Variants in WWOX observed in about 807,000 individuals in gnomAD.
The protein encoded by WWOX is WW domain-containing oxidoreductase.
In WWOX, 69 loss-of-function variants were observed where a neutral mutation model predicts 46.2. The observed-to-expected ratio is 1.49, with a 90% CI of 1.23 to 1.82. WWOX has a LOEUF of 1.82. WWOX is among the 40% of genes most tolerant of loss of function. The pLI is 0.00. For missense variants in WWOX, 919 were observed against 542.6 expected, an observed-to-expected ratio of 1.69 and a Z score of -6.89; for synonymous variants, 359 against 202.6, an observed-to-expected ratio of 1.77 and a Z score of -6.56.
intron 8 of WWOX, among the ~76,000 whole-genome samples, chr16:78,754,478 G>A (rs1429657031): frequency 1.3e-5 from 2 of 152,052 alleles, no homozygotes; most frequent in Admixed American, 6.6e-5. Context: ...AGTACCTACC[G>A]CTTTCTTTTC....
chr16:78,444,223 C>G (rs930209590), intron 8 of WWOX, among the ~76,000 whole-genome samples: 5 of 152,258 alleles, frequency 3.3e-5, no homozygotes, highest in African/African-American at 9.6e-5. Flanking sequence ...TTATGTCTTA[C>G]TCATCTAATG....
chr16:78,950,942 G>A (rs1361803982), intron 8 of WWOX, among the ~76,000 whole-genome samples: 2 of 152,118 alleles, frequency 1.3e-5, no homozygotes, highest in African/African-American at 2.4e-5. Flanking sequence ...AGTCTTTGGA[G>A]CCATAAACAT....
chr16:78,692,124 T>G (rs2142268458), intron 8 of WWOX, among the ~76,000 whole-genome samples: 2 of 152,296 alleles, frequency 1.3e-5, no homozygotes, highest in Middle Eastern at 3.4e-3. Context: ...CAGGTATGTC[T>G]TTATCAGCAG....
At position 78,592,871 on chromosome 16, in the gene WWOX, C is replaced by T. The variant is rs544444742; in HGVS notation, c.1056+160119C>T. On this transcript the variant is annotated intron_variant, in intron 8 of 8. Coordinates refer to ENST00000566780, the MANE Select transcript of WWOX (RefSeq NM_016373.4). ...ATGATAACTCGCTGCCCAGAATGACCAGGCAGCATGAAAACGAAAAGGTGG... is the reference window on the plus strand; with the variant it reads ...ATGATAACTCGCTGCCCAGAATGACTAGGCAGCATGAAAACGAAAAGGTGG... Among the ~76,000 whole-genome samples the T allele has an allele frequency of 1.3e-5, 2 of 152,272 alleles. 1 individual carries two copies. Among genetic ancestry groups the T allele is most frequent in the East Asian group, 3.9e-4 (2 of 5,170 alleles).
At chr16:78,966,586 A>G (rs2046366742) in intron 8 of WWOX, among the ~76,000 whole-genome samples, 1 of 152,190 alleles carries the variant, frequency 6.6e-6, no homozygotes, top group Non-Finnish European at 1.5e-5. Context: ...AAGTAAGGCT[A>G]AAAAGTAACA....
chr16:78,835,868 T>A (rs888546482), intron 8 of WWOX, among the ~76,000 whole-genome samples: 1 of 152,240 alleles, frequency 6.6e-6, no homozygotes, highest in East Asian at 1.9e-4. Flanking sequence ...ACATATTTAT[T>A]TTTTTGTTTC....
In WWOX at chr16:78,133,608, C is replaced by T. The variant is rs1399762222; in HGVS notation, c.409+18454C>T. ...ATGGGGTTTCACCATGTTGGCCAGG[C>T]TGGTCTGGAACTCCTGACCTCAGGT... On this transcript the variant is annotated intron_variant, in intron 4 of 8. Coordinates refer to ENST00000566780, the MANE Select transcript of WWOX (RefSeq NM_016373.4). 5.9e-5 allele frequency among the ~76,000 whole-genome samples: 9 copies of T among 152,186 alleles called. No individual in the cohort carries two copies. In the East Asian group the frequency reaches 1.7e-3, roughly 29 times the overall value.
chr16:78,515,598 T>C (rs544375599), intron 8 of WWOX, among the ~76,000 whole-genome samples: 7 of 152,208 alleles, frequency 4.6e-5, no homozygotes, highest in Non-Finnish European at 1.0e-4. Flanking sequence ...TAGCTATCTC[T>C]GTGCAGAGCC....
chr16:79,109,314 C>T (rs1337734526), intron 8 of WWOX, among the ~76,000 whole-genome samples: 3 of 152,142 alleles, frequency 2.0e-5, no homozygotes, highest in Admixed American at 6.5e-5. Context: ...CAGTTTCTAT[C>T]GAGCTACTGT....
At chr16:78,740,102 G>C (rs1428358984) in intron 8 of WWOX, among the ~76,000 whole-genome samples, 2 of 152,024 alleles carry the variant, frequency 1.3e-5, no homozygotes, top group African/African-American at 4.8e-5. Context: ...TCCCTTCTCT[G>C]CATTCGCCCC....
Position 79,126,311 on chromosome 16 carries a change from G to A in WWOX, c.1057-85297G>A, listed in dbSNP as rs552842408. On this transcript the variant is annotated intron_variant, in intron 8 of 8. Coordinates refer to ENST00000566780, the MANE Select transcript of WWOX (RefSeq NM_016373.4). ...TGATTTAGCTTTGGGAGCTGATCAAGTGATATGATTTGGCTCTGTGTCCCA... is the reference window on the plus strand; with the variant it reads ...TGATTTAGCTTTGGGAGCTGATCAAATGATATGATTTGGCTCTGTGTCCCA... 2.0e-5 allele frequency among the ~76,000 whole-genome samples: 3 copies of A among 152,272 alleles called. No individual in the cohort carries two copies. In the South Asian group the frequency reaches 6.2e-4, roughly 32 times the overall value.
chr16:78,519,837 C>G (rs961739661), intron 8 of WWOX, among the ~76,000 whole-genome samples: 6 of 152,100 alleles, frequency 3.9e-5, no homozygotes, highest in Non-Finnish European at 7.4e-5. Context: ...CTTCCAGCCC[C>G]CAGAACTGTG....
chr16:78,796,434 G>A (rs2050739741), intron 8 of WWOX, among the ~76,000 whole-genome samples: 1 of 152,200 alleles, frequency 6.6e-6, no homozygotes, highest in African/African-American at 2.4e-5. Flanking sequence ...CTTCCCATTG[G>A]CCAGAATTCA....
intron 5 of WWOX, among the ~76,000 whole-genome samples, chr16:78,229,679 A>G (rs948907316): frequency 3.9e-5 from 6 of 152,000 alleles, no homozygotes; most frequent in Non-Finnish European, 7.4e-5. Flanking sequence ...GGGGCTAATT[A>G]AGTGGACAGT....
intron 8 of WWOX, among the ~76,000 whole-genome samples, chr16:78,955,277 C>G (rs778873147): frequency 1.3e-5 from 2 of 152,168 alleles, no homozygotes; most frequent in African/African-American, 2.4e-5. Context: ...ACATGTCCCT[C>G]ATGCCCTAAA....
chr16:78,749,453 C>G (rs1307880094), intron 8 of WWOX, among the ~76,000 whole-genome samples: 4 of 152,104 alleles, frequency 2.6e-5, no homozygotes, highest in African/African-American at 7.2e-5. Context: ...AATAGTCAAA[C>G]TGAGGTTTTG....
chr16:78,738,700 C>T (rs1217957437), intron 8 of WWOX, among the ~76,000 whole-genome samples: 2 of 152,064 alleles, frequency 1.3e-5, no homozygotes, highest in Admixed American at 6.6e-5. Context: ...GTGTAGGAGA[C>T]GGGTCGGGGA....
At position 78,738,672 on chromosome 16, in the gene WWOX, G is replaced by C. The variant is rs1371928908; in HGVS notation, c.1056+305920G>C. On this transcript the variant is annotated intron_variant, in intron 8 of 8. Coordinates refer to ENST00000566780, the MANE Select transcript of WWOX (RefSeq NM_016373.4). ...CATCCTCATTTCCTTGATCGCATTTGCTTCTCCTGGCTAGAATGTGTAGGA... is the reference window on the plus strand; with the variant it reads ...CATCCTCATTTCCTTGATCGCATTTCCTTCTCCTGGCTAGAATGTGTAGGA... Among the ~76,000 whole-genome samples, 4 of 152,052 alleles carry C rather than the reference G, an allele frequency of 2.6e-5. No individual in the cohort carries two copies. In the East Asian group the frequency reaches 7.7e-4, roughly 29 times the overall value.
chr16:78,886,972 G>A (rs937330831), intron 8 of WWOX, among the ~76,000 whole-genome samples: 1 of 151,986 alleles, frequency 6.6e-6, no homozygotes, highest in Admixed American at 6.6e-5. Context: ...TATAGGGTCT[G>A]CTGGGTTTAA....
Sources: gnomAD v4.1 joint callset for allele counts (sites outside exome capture counted in the v4.1 genomes callset) on GRCh38, gnomAD v4.1.1 for gene constraint, MANE v1.5 for transcripts, NCBI Gene and HGNC (gene_info 2026-07-23, HGNC 2026-07-21) for gene names.